The following POMP variants were observed in gnomAD, a reference collection of about 807,000 sequenced individuals.
The protein encoded by POMP is 2510048O06Rik.
A neutral mutation model predicts 20.6 loss-of-function variants in POMP; 12 were observed. That is an observed-to-expected ratio of 0.58 (90% CI 0.37 to 0.94). POMP has a LOEUF of 0.94. Among genes scored for constraint, POMP ranks in the 40% least tolerant of loss-of-function variants. The pLI is 0.01. For synonymous variants in POMP, 53 were observed against 55.0 expected (o/e 0.96, Z 0.16); for missense variants, 136 against 161.1 (o/e 0.84, Z 0.84).
chr13:28,672,245 A>G, intron 4 of POMP, 94 bp from the exon 5 acceptor site: 2 of 1,082,412 alleles, frequency 1.8e-6, no homozygotes, highest in East Asian at 2.4e-5. Context: ...GCGAATTTTC[A>G]AACAAAGAAT....
At chr13:28,668,646 A>G (rs1420265020) in intron 4 of POMP, 72 bp downstream of exon 4, 98 of 1,174,088 alleles carry the variant, frequency 8.3e-5, no homozygotes, top group Non-Finnish European at 1.2e-4. Flanking sequence ...CATAACAGCT[A>G]TTTATACCTT....
rs77884334 is a variant in POMP at position 28,660,160 on chromosome 13, A to T, written c.3+973A>T. 3.9e-3 allele frequency among the ~76,000 whole-genome samples: 598 copies of T among 152,332 alleles called. 5 individuals are homozygous for T. The highest frequency in any genetic ancestry group is 0.011 in the South Asian group (53 of 4,824). ...CTTTACAATAAAGCAGTCCAGAAGG[A>T]GGAGAATGTTCATATAGGGAAGTAA... On this transcript the variant is annotated intron_variant, in intron 1 of 5. Coordinates refer to ENST00000380842, the MANE Select transcript of POMP (RefSeq NM_015932.6).
In POMP at chr13:28,678,186, G is replaced by A. The variant is rs1884661054; in HGVS notation, c.*84G>A. 18 of 1,348,930 alleles carry A rather than the reference G, an allele frequency of 1.3e-5. No individual in the cohort carries two copies. Among genetic ancestry groups the A allele is most frequent in the Non-Finnish European group, 1.7e-5 (16 of 941,308 alleles). The allele number at this position is 1,348,930 out of a possible 1,614,324, so 83.6% of individuals were successfully genotyped here. A position where few individuals can be genotyped will look rare whatever the true frequency, so the allele number is the denominator to read the frequency against. ...TAATTTGATGTACACAACATTAAAA[G>A]TACTGACACCTGAGAATTTCTGCTC... is the stretch of plus-strand genomic sequence containing the variant. On this transcript the variant is annotated 3_prime_UTR_variant, in exon 6 of 6. Coordinates refer to ENST00000380842, the MANE Select transcript of POMP (RefSeq NM_015932.6).
chr13:28,663,210 C>T (rs1298595990), intron 2 of POMP, among the ~76,000 whole-genome samples: 2 of 152,058 alleles, frequency 1.3e-5, no homozygotes, highest in African/African-American at 2.4e-5. Flanking sequence ...CACTTTTCTG[C>T]TTAATAAAAT....
intron 4 of POMP, among the ~76,000 whole-genome samples, chr13:28,669,483 C>T (rs1243685242): frequency 6.6e-6 from 1 of 152,090 alleles, no homozygotes. Flanking sequence ...TCAAGCAATC[C>T]TCTTGCCTCA....
At chr13:28,664,466 T>C in intron 2 of POMP, 43 bp from the exon 3 acceptor site, 1 of 1,326,308 alleles carries the variant, frequency 7.5e-7, no homozygotes, top group Non-Finnish European at 1.1e-6. Context: ...TATTGAGTGA[T>C]ATTTAATCTC....
At chr13:28,659,674 T>A (rs1364489897) in intron 1 of POMP, 6 of 177,552 alleles carry the variant, frequency 3.4e-5, no homozygotes, top group Non-Finnish European at 6.1e-5. Flanking sequence ...GCAGCTTTGC[T>A]CTACAAACTT....
intron 4 of POMP, among the ~76,000 whole-genome samples, chr13:28,668,956 GA>G (rs140409457): frequency 0.044 from 6,719 of 152,072 alleles, 500 homozygotes; most frequent in African/African-American, 0.15. Context: ...AATTATGTAA[GA>G]ACCACCCTCC....
At chr13:28,659,516 G>A (rs957200240) in intron 1 of POMP, among the ~76,000 whole-genome samples, 5 of 152,182 alleles carry the variant, frequency 3.3e-5, no homozygotes, top group Admixed American at 2.0e-4. Flanking sequence ...CCGTGAAAGT[G>A]CAACGTTCTG....
Position 28,663,498 on chromosome 13 carries a change from C to T in POMP, c.101+991C>T, listed in dbSNP as rs200223107. On this transcript the variant is annotated intron_variant, in intron 2 of 5. Transcript: ENST00000380842. ...GCTAATTTTGTATTTTTAGTAGAGA[C>T]GGGGTTTCTCTGTGTTGGTCAGGCT... Among the ~76,000 whole-genome samples the T allele has an allele frequency of 8.6e-5, 13 of 152,042 alleles. No homozygotes were observed. The East Asian group carries it at 1.4e-3, about 16-fold the overall frequency.
chr13:28,676,687 A>G (rs1203935964), intron 5 of POMP, among the ~76,000 whole-genome samples: 1 of 152,220 alleles, frequency 6.6e-6, no homozygotes, highest in African/African-American at 2.4e-5. Flanking sequence ...CCTGCTTATC[A>G]GTGAAGTACT....
chr13:28,661,804 CTACTT>C (rs1884346122), intron 1 of POMP, among the ~76,000 whole-genome samples: 1 of 152,122 alleles, frequency 6.6e-6, no homozygotes, highest in African/African-American at 2.4e-5. Flanking sequence ...CCCAGCTTCT[CTACTT>C]TTCTTTATCC....
intron 1 of POMP, 41 bp downstream of exon 1, chr13:28,659,228 G>C: frequency 6.4e-7 from 1 of 1,574,500 alleles, no homozygotes; most frequent in Non-Finnish European, 8.6e-7. Context: ...ACGCGGGCTC[G>C]GGACCGTGGC....
At position 28,664,566 on chromosome 13, in the gene POMP, A is replaced by AAATGT; in HGVS notation, c.162_162+4dup. 6.6e-7 allele frequency: 1 copy of AAATGT among 1,506,134 alleles called. No individual in the cohort carries two copies. The highest frequency in any genetic ancestry group is 9.2e-7 in the Non-Finnish European group (1 of 1,084,514). The allele number at this position is 1,506,134 out of a possible 1,614,324, so 93.3% of individuals were successfully genotyped here. ...GTCATCCCCTTGAATTATCAGAAAA[A>AAATGT]AATGTAAGTATATTATTATGTCCTT... On this transcript the variant is annotated frameshift_variant, in exon 3 of 6. Coordinates refer to ENST00000380842, the MANE Select transcript of POMP (RefSeq NM_015932.6). LOFTEE classifies it high-confidence loss of function.
In POMP at chr13:28,678,153, TTG is replaced by T; in HGVS notation, c.*53_*54del. 6.6e-7 allele frequency: 1 copy of T among 1,516,562 alleles called. No individual in the cohort carries two copies. The highest frequency in any genetic ancestry group is 9.2e-7 in the Non-Finnish European group (1 of 1,091,624). The allele number at this position is 1,516,562 out of a possible 1,614,324, so 93.9% of individuals were successfully genotyped here. A position where few individuals can be genotyped will look rare whatever the true frequency, so the allele number is the denominator to read the frequency against. Reference sequence around the variant, plus strand: ...GGCTGCATCTTGTTTATAGTCATCTTTGTACTGTAATTTGATGTACACAACAT... The same window carrying T: ...GGCTGCATCTTGTTTATAGTCATCTTTACTGTAATTTGATGTACACAACAT... On this transcript the variant is annotated 3_prime_UTR_variant, in exon 6 of 6. Coordinates refer to ENST00000380842, the MANE Select transcript of POMP (RefSeq NM_015932.6).
rs780481787 is a variant in POMP at position 28,664,520 on chromosome 13, T to C, written c.113T>C (p.Val38Ala). 2.2e-5 allele frequency: 35 copies of C among 1,581,068 alleles called. No homozygotes were observed. The Admixed American group carries it at 4.0e-4, about 18-fold the overall frequency. Residue 38 changes from valine (V) to alanine (A), a missense_variant, in exon 3 of 6, where the codon GTG becomes GCG. Physicochemically the swap from Val to Ala is moderately conservative, Grantham distance 64 (BLOSUM62 0). Coordinates refer to ENST00000380842, the MANE Select transcript of POMP (RefSeq NM_015932.6). Reference sequence around the variant, plus strand: ...TAATGTCCTTTCAGTTTTTCTTGTGTGAAAAATGAACTTTTGCCTAGTCAT... The same window carrying C: ...TAATGTCCTTTCAGTTTTTCTTGTGCGAAAAATGAACTTTTGCCTAGTCAT... ...HDLLRKGFSC[V>A]KNELLPSHPL...
At chr13:28,661,951 A>G (rs1346877619) in intron 1 of POMP, among the ~76,000 whole-genome samples, 1 of 152,152 alleles carries the variant, frequency 6.6e-6, no homozygotes, top group African/African-American at 2.4e-5. Context: ...TTTCCAGGGG[A>G]AACAAATTCA....
chr13:28,678,140 T>C lies in POMP; in HGVS notation c.*38T>C. ...CATGGAAACCGAGGGCTGCATCTTG[T>C]TTATAGTCATCTTTGTACTGTAATT... On this transcript the variant is annotated 3_prime_UTR_variant, in exon 6 of 6. Coordinates refer to ENST00000380842, the MANE Select transcript of POMP (RefSeq NM_015932.6). 1 of 1,561,472 alleles carries C rather than the reference T, an allele frequency of 6.4e-7. No individual in the cohort carries two copies. Among genetic ancestry groups the C allele is most frequent in the East Asian group, 2.2e-5 (1 of 44,618 alleles).
At chr13:28,661,969 C>T (rs1243653199) in intron 1 of POMP, among the ~76,000 whole-genome samples, 1 of 152,172 alleles carries the variant, frequency 6.6e-6, no homozygotes, top group African/African-American at 2.4e-5. Flanking sequence ...TCAATCATGC[C>T]ATAACCTTTC....
Sources: gnomAD v4.1 joint callset for allele counts (sites outside exome capture counted in the v4.1 genomes callset) on GRCh38, gnomAD v4.1.1 for gene constraint, MANE v1.5 for transcripts, NCBI Gene and HGNC (gene_info 2026-07-23, HGNC 2026-07-21) for gene names.